Variants in INSYN2B observed in about 807,000 individuals in gnomAD.
The protein encoded by INSYN2B is protein INSYN2B.
In INSYN2B, 16 loss-of-function variants were observed where a neutral mutation model predicts 41.2. The ratio of observed to expected loss-of-function variants is 0.39; its 90% confidence interval spans 0.26 to 0.59. INSYN2B has a LOEUF of 0.59. Among genes scored for constraint, INSYN2B ranks in the 20% least tolerant of loss-of-function variants. The pLI is 0.57. For missense variants in INSYN2B, 608 were observed against 646.4 expected, an observed-to-expected ratio of 0.94 and a Z score of 0.64; for synonymous variants, 245 against 244.4, an observed-to-expected ratio of 1.00 and a Z score of -0.02.
At chr5:169,929,311 T>A (rs2624252) in intron 1 of INSYN2B, among the ~76,000 whole-genome samples, 92,958 of 152,050 alleles carry the variant, frequency 0.61, 29,310 homozygotes, top group African/African-American at 0.79. Context: ...CACCAACAAG[T>A]TCATCTCACA....
At position 169,864,206 on chromosome 5, in the gene INSYN2B, G is replaced by A. The variant is rs1043211937; in HGVS notation, c.*67C>T. ...TGCAAAGAAGCAGGGCAGGCCTTAAGTGCAGTGGATTTCCCATCTCAGGGA... is the reference window on the plus strand; with the variant it reads ...TGCAAAGAAGCAGGGCAGGCCTTAAATGCAGTGGATTTCCCATCTCAGGGA... On this transcript the variant is annotated 3_prime_UTR_variant, in exon 4 of 4. Coordinates refer to ENST00000377365, the MANE Select transcript of INSYN2B (RefSeq NM_001129891.3). 4.4e-6 allele frequency: 6 copies of A among 1,365,860 alleles called. No homozygotes were observed. Among genetic ancestry groups the A allele is most frequent in the Non-Finnish European group, 5.1e-6 (5 of 979,108 alleles). The allele number at this position is 1,365,860 out of a possible 1,614,324, so 84.6% of individuals were successfully genotyped here.
intron 1 of INSYN2B, among the ~76,000 whole-genome samples, chr5:169,930,645 G>A (rs978051244): frequency 1.3e-5 from 2 of 152,216 alleles, no homozygotes; most frequent in African/African-American, 4.8e-5. Flanking sequence ...ATGAGCTGCG[G>A]CTGACAGGGA....
chr5:169,979,044 A>G (rs1359019549), intron 1 of INSYN2B, among the ~76,000 whole-genome samples: 4 of 152,178 alleles, frequency 2.6e-5, no homozygotes, highest in African/African-American at 9.7e-5. Flanking sequence ...TTGGATATGG[A>G]TGAGTGGCTG....
intron 3 of INSYN2B, among the ~76,000 whole-genome samples, chr5:169,873,163 A>G (rs562464673): frequency 1.3e-5 from 2 of 152,334 alleles, no homozygotes; most frequent in South Asian, 4.1e-4. Flanking sequence ...TTTATTACAG[A>G]TAAATTGCTG....
intron 3 of INSYN2B, among the ~76,000 whole-genome samples, chr5:169,866,829 C>T (rs1328358297): frequency 6.6e-6 from 1 of 152,218 alleles, no homozygotes; most frequent in African/African-American, 2.4e-5. Flanking sequence ...CAGAAGAAGA[C>T]TTCTATGACC....
At chr5:169,930,311 C>T (rs1775685837) in intron 1 of INSYN2B, among the ~76,000 whole-genome samples, 1 of 152,184 alleles carries the variant, frequency 6.6e-6, no homozygotes. Flanking sequence ...TAAATAACCA[C>T]ATATGGGTGA....
Position 169,921,894 on chromosome 5 carries a change from C to G in INSYN2B, c.-918-37078G>C, listed in dbSNP as rs116563233. 7.5e-3 allele frequency among the ~76,000 whole-genome samples: 1,141 copies of G among 152,270 alleles called. 16 individuals carry two copies. The highest frequency in any genetic ancestry group is 0.026 in the African/African-American group (1,091 of 41,542). On this transcript the variant is annotated intron_variant, in intron 1 of 3. Transcript: ENST00000377365. ...TACTGAAGGAACATAGTAAATAATA[C>G]TGTGATAGCCCCTTGACAGTAGAAA...
intron 1 of INSYN2B, chr5:169,934,727 C>T (rs1353870369): frequency 4.4e-6 from 2 of 456,086 alleles, no homozygotes; most frequent in South Asian, 1.5e-5. Flanking sequence ...CAAGGGTTAG[C>T]ACAGGGCTGC....
chr5:169,941,905 C>A (rs901098658), intron 1 of INSYN2B, among the ~76,000 whole-genome samples: 3 of 152,182 alleles, frequency 2.0e-5, no homozygotes, highest in Admixed American at 2.0e-4. Flanking sequence ...AACTCTGTCA[C>A]CTATAAATGT....
At chr5:169,942,443 C>T (rs983599663) in intron 1 of INSYN2B, among the ~76,000 whole-genome samples, 2 of 152,174 alleles carry the variant, frequency 1.3e-5, no homozygotes, top group African/African-American at 4.8e-5. Context: ...TTCATGCACT[C>T]GTCCATGAGC....
Position 169,862,631 on chromosome 5 carries a change from G to C in INSYN2B, c.*1642C>G, listed in dbSNP as rs11134593. Among the ~76,000 whole-genome samples the C allele has an allele frequency of 0.35, 52,521 of 152,076 alleles. 10,425 individuals carry two copies. The highest frequency in any genetic ancestry group is 0.44 in the Admixed American group (6,680 of 15,276). On this transcript the variant is annotated 3_prime_UTR_variant, in exon 4 of 4. Transcript: ENST00000377365. ...TTATATATTCCGGTCTGATTCTGTG[G>C]GCTTAAACATTACACTAGAAACAGA...
At chr5:169,973,941 A>G (rs1008970474) in intron 1 of INSYN2B, among the ~76,000 whole-genome samples, 1 of 152,196 alleles carries the variant, frequency 6.6e-6, no homozygotes, top group African/African-American at 2.4e-5. Flanking sequence ...CTATATAGGC[A>G]CAAGAGATGT....
chr5:169,866,464 C>T (rs1306585458), intron 3 of INSYN2B, among the ~76,000 whole-genome samples: 6 of 152,204 alleles, frequency 3.9e-5, no homozygotes, highest in Non-Finnish European at 8.8e-5. Context: ...GCTTAAATGC[C>T]ATGTGCATAT....
At chr5:169,922,727 T>C (rs1219546401) in intron 1 of INSYN2B, among the ~76,000 whole-genome samples, 3 of 152,178 alleles carry the variant, frequency 2.0e-5, no homozygotes, top group African/African-American at 7.2e-5. Context: ...CCTAACCCCT[T>C]GTATCTCCCT....
intron 1 of INSYN2B, among the ~76,000 whole-genome samples, chr5:169,887,561 C>T (rs1773043763): frequency 1.3e-5 from 2 of 152,186 alleles, no homozygotes; most frequent in Non-Finnish European, 2.9e-5. Flanking sequence ...GTACAGATCA[C>T]ACTGTCCTTT....
At chr5:169,938,924 A>G (rs174215) in intron 1 of INSYN2B, among the ~76,000 whole-genome samples, 67,797 of 145,150 alleles carry the variant, frequency 0.47, 15,643 homozygotes, top group South Asian at 0.66. Context: ...TTTTTTTTGA[A>G]ATGGAGTCTT....
intron 1 of INSYN2B, among the ~76,000 whole-genome samples, chr5:169,953,756 C>T (rs1254838799): frequency 1.3e-5 from 2 of 152,164 alleles, no homozygotes; most frequent in African/African-American, 4.8e-5. Flanking sequence ...CCTGCCAGCA[C>T]TTGTTTTCTC....
At chr5:169,921,754 G>A (rs905397733) in intron 1 of INSYN2B, among the ~76,000 whole-genome samples, 5 of 152,178 alleles carry the variant, frequency 3.3e-5, no homozygotes, top group Non-Finnish European at 7.3e-5. Context: ...GAGGATTAGG[G>A]CCCACTGATA....
intron 1 of INSYN2B, among the ~76,000 whole-genome samples, chr5:169,898,822 C>T (rs1166154821): frequency 2.0e-5 from 3 of 152,126 alleles, no homozygotes; most frequent in African/African-American, 7.2e-5. Flanking sequence ...AAACAGGTAG[C>T]AGGCAAGATT....
Sources: allele counts gnomAD v4.1 joint callset (sites outside exome capture counted in the v4.1 genomes callset), GRCh38; gene constraint gnomAD v4.1.1; transcripts MANE v1.5; gene names NCBI Gene and HGNC (gene_info 2026-07-23, HGNC 2026-07-21).